Variants in DENND2A observed in about 807,000 individuals in gnomAD.
DENND2A encodes the protein DENN domain containing 2A.
A neutral mutation model predicts 105.3 loss-of-function variants in DENND2A; 53 were observed. The observed-to-expected ratio is 0.50, with a 90% CI of 0.40 to 0.63. The LOEUF (loss-of-function observed/expected upper bound fraction) is 0.63, where lower values mean the gene tolerates loss of function less well. DENND2A is among the 30% of genes least tolerant of loss of function. DENND2A has a pLI of 0.00. For missense variants in DENND2A, 1,138 were observed against 1,279.6 expected (o/e 0.89, Z 1.69); for synonymous variants, 522 against 508.4 (o/e 1.03, Z -0.36).
rs1186513680 is a variant in DENND2A, at chr7:140,585,730, G to A, written c.1124-20C>T. On this transcript the variant is annotated intron_variant, in intron 4 of 19. Transcript: ENST00000496613. ...GCGGATCTGTGTTCAAAGGCAATGT[G>A]TCAGGAACCTGGGAACACTGAGGAC... 1.9e-6 allele frequency: 3 copies of A among 1,613,980 alleles called. No individual in the cohort carries two copies. The Admixed American group carries it at 5.0e-5, about 27-fold the overall frequency.
At chr7:140,575,457 G>A (rs948012382) in intron 5 of DENND2A, among the ~76,000 whole-genome samples, 20 of 152,030 alleles carry the variant, frequency 1.3e-4, no homozygotes, top group African/African-American at 4.3e-4. Context: ...TTCAGACCCC[G>A]CAATTCCACC....
chr7:140,574,223 A>G (rs986645129), intron 5 of DENND2A, among the ~76,000 whole-genome samples: 2 of 151,990 alleles, frequency 1.3e-5, no homozygotes, highest in African/African-American at 4.8e-5. Context: ...AATCTAATTC[A>G]GTTTCTTTTT....
At chr7:140,598,757 A>G (rs1056424213) in intron 3 of DENND2A, among the ~76,000 whole-genome samples, 3 of 152,210 alleles carry the variant, frequency 2.0e-5, no homozygotes, top group Non-Finnish European at 4.4e-5. Context: ...TCAAATAATT[A>G]TATATTAATT....
chr7:140,539,042 T>C (rs1475959992), intron 14 of DENND2A, among the ~76,000 whole-genome samples: 1 of 152,200 alleles, frequency 6.6e-6, no homozygotes, highest in African/African-American at 2.4e-5. Context: ...CAGGCTGGTC[T>C]CGAACTCCTG....
At chr7:140,577,226 C>T (rs935410724) in intron 5 of DENND2A, among the ~76,000 whole-genome samples, 1 of 152,078 alleles carries the variant, frequency 6.6e-6, no homozygotes, top group Non-Finnish European at 1.5e-5. Flanking sequence ...ACAGTACTAT[C>T]TGAGAATAGT....
At chr7:140,521,709 G>A in intron 18 of DENND2A, 146 bp downstream of exon 18, 1 of 1,349,500 alleles carries the variant, frequency 7.4e-7, no homozygotes, top group Non-Finnish European at 1.0e-6. Context: ...TACCAGCTCA[G>A]TCAGGGCATA....
intron 14 of DENND2A, among the ~76,000 whole-genome samples, chr7:140,535,318 G>A (rs1464726436): frequency 1.3e-5 from 2 of 152,144 alleles, no homozygotes; most frequent in African/African-American, 2.4e-5. Context: ...CTGGTGCCTG[G>A]TGAAACCTAC....
intron 3 of DENND2A, 99 bp from the exon 4 acceptor site, chr7:140,587,879 T>C: frequency 2.4e-6 from 3 of 1,250,972 alleles, no homozygotes; most frequent in Non-Finnish European, 3.1e-6. Context: ...AATTTTCTTT[T>C]TCTTAGAAAA....
chr7:140,543,640 C>A (rs2130518809), intron 14 of DENND2A: 1 of 152,002 alleles, frequency 6.6e-6, no homozygotes, highest in Non-Finnish European at 1.5e-5. Flanking sequence ...TGTCACCAGG[C>A]TGGAGTGCAG....
Position 140,602,498 on chromosome 7 carries a change from T to C in DENND2A, c.-101A>G. The C allele has an allele frequency of 2.3e-6, 3 of 1,331,676 alleles. No individual in the cohort carries two copies. Among genetic ancestry groups the C allele is most frequent in the Non-Finnish European group, 3.0e-6 (3 of 1,005,742 alleles). 82.5% of individuals were successfully genotyped at this position (1,331,676 alleles called of 1,614,324 possible). A position where few individuals can be genotyped will look rare whatever the true frequency, so the allele number is the denominator to read the frequency against. On this transcript the variant is annotated 5_prime_UTR_variant, in exon 3 of 20. Coordinates refer to ENST00000496613, the MANE Select transcript of DENND2A (RefSeq NM_015689.5). The stretch of plus-strand genomic sequence containing the variant: ...GAATGGAATGGAGGACTAAAGTGGA[T>C]GCCTTCGAGGGTCTTTCTCAGTCCT...
At chr7:140,590,313 C>T (rs974285588) in intron 3 of DENND2A, among the ~76,000 whole-genome samples, 3 of 152,020 alleles carry the variant, frequency 2.0e-5, no homozygotes, top group Admixed American at 6.6e-5. Context: ...TCGCTTGAAC[C>T]GGGGAGGTGG....
At chr7:140,636,657 C>T (rs117393945) in intron 1 of DENND2A, among the ~76,000 whole-genome samples, 9,151 of 148,062 alleles carry the variant, frequency 0.062, 401 homozygotes, top group Admixed American at 0.14. Context: ...CCCTAAGTAT[C>T]AGTTGTTTTG....
chr7:140,624,868 G>GTTTTTTTTTTTTTTTTTTTTTTTTGT (rs1367069950), intron 1 of DENND2A, among the ~76,000 whole-genome samples: 2 of 109,218 alleles, frequency 1.8e-5, no homozygotes, highest in Non-Finnish European at 3.8e-5. Flanking sequence ...GTTTTTTTTT[G>GTTTTTTTTTTTTTTTTTTTTTTTTGT]TTTTTTTTTT....
At chr7:140,633,210 A>G (rs1319516515) in intron 1 of DENND2A, among the ~76,000 whole-genome samples, 1 of 151,902 alleles carries the variant, frequency 6.6e-6, no homozygotes, top group Non-Finnish European at 1.5e-5. Context: ...TTGTATTTTT[A>G]GTAGAGATGG....
chr7:140,544,471 A>AG, intron 14 of DENND2A, 147 bp downstream of exon 14: 1 of 1,001,750 alleles, frequency 1.0e-6, no homozygotes, highest in East Asian at 2.6e-5. Context: ...CTGAGATTAC[A>AG]GGTGTGAGTC....
intron 14 of DENND2A, among the ~76,000 whole-genome samples, chr7:140,533,445 G>C (rs1020388039): frequency 6.6e-6 from 1 of 152,208 alleles, no homozygotes; most frequent in African/African-American, 2.4e-5. Context: ...GTGACAGAGA[G>C]GCCCCCAGGG....
At chr7:140,582,090 G>A (rs531034213) in intron 5 of DENND2A, among the ~76,000 whole-genome samples, 200 of 151,834 alleles carry the variant, frequency 1.3e-3, no homozygotes, top group Non-Finnish European at 2.2e-3. Context: ...TCTGCCTCCC[G>A]AGTAGCTGGG....
chr7:140,588,465 C>T lies in DENND2A; in HGVS notation c.996-685G>A, dbSNP rs558100592. 2.6e-5 allele frequency among the ~76,000 whole-genome samples: 4 copies of T among 152,182 alleles called. No homozygotes were observed. The South Asian group carries it at 8.3e-4, about 32-fold the overall frequency. On this transcript the variant is annotated intron_variant, in intron 3 of 19. Coordinates refer to ENST00000496613, the MANE Select transcript of DENND2A (RefSeq NM_015689.5). ...GTTTCAGCCCATTTATGTAGTTCAT[C>T]CAAGTCTAAAAGGCTTGTGACTAAG... is the stretch of plus-strand genomic sequence containing the variant.
chr7:140,582,610 A>G (rs1384448688), intron 5 of DENND2A, among the ~76,000 whole-genome samples: 1 of 152,238 alleles, frequency 6.6e-6, no homozygotes, highest in Non-Finnish European at 1.5e-5. Context: ...TGTAAGATCC[A>G]TCCTTTGGGA....
Sources: gnomAD v4.1 joint callset for allele counts (sites outside exome capture counted in the v4.1 genomes callset) on GRCh38, gnomAD v4.1.1 for gene constraint, MANE v1.5 for transcripts, NCBI Gene and HGNC (gene_info 2026-07-23, HGNC 2026-07-21) for gene names.